Variants in CCNT1 observed in about 807,000 individuals in gnomAD.
The protein encoded by CCNT1 is cyclin T1.
A neutral mutation model predicts 67.3 loss-of-function variants in CCNT1; 18 were observed. That is an observed-to-expected ratio of 0.27 (90% CI 0.18 to 0.40). CCNT1 has a LOEUF of 0.40. Among genes scored for constraint, CCNT1 ranks in the 10% least tolerant of loss-of-function variants. The pLI is 1.00. For missense variants in CCNT1, 744 were observed against 884.9 expected (o/e 0.84, Z 2.02); for synonymous variants, 333 against 310.3 (o/e 1.07, Z -0.77).
At chr12:48,705,281 T>TTTGTCG (rs1940337220) in intron 3 of CCNT1, among the ~76,000 whole-genome samples, 2 of 150,836 alleles carry the variant, frequency 1.3e-5, no homozygotes, top group South Asian at 4.2e-4. Flanking sequence ...CCAGTTGTTT[T>TTTGTCG]TTGTTGTTGT....
intron 2 of CCNT1, among the ~76,000 whole-genome samples, chr12:48,707,792 C>T (rs995612945): frequency 6.6e-6 from 1 of 152,192 alleles, no homozygotes; most frequent in Non-Finnish European, 1.5e-5. Flanking sequence ...GGTGTTGTGG[C>T]TCACGCCTGT....
At chr12:48,716,478 C>A (rs1414292511) in intron 1 of CCNT1, 37 bp downstream of exon 1, 1 of 1,560,226 alleles carries the variant, frequency 6.4e-7, no homozygotes, top group South Asian at 1.2e-5. Context: ...CATGGCGGGA[C>A]CAACTCCAAG....
chr12:48,693,661 TG>T lies in CCNT1; in HGVS notation c.1552del (p.His518IlefsTer37). 1 of 1,614,166 alleles carries T rather than the reference TG, an allele frequency of 6.2e-7. No individual in the cohort carries two copies. On this transcript the variant is annotated frameshift_variant, in exon 9 of 9. Coordinates refer to ENST00000261900, the MANE Select transcript of CCNT1 (RefSeq NM_001240.4). LOFTEE classifies it high-confidence loss of function. Reference sequence around the variant, plus strand: ...GTGTGAGTGGTGATTATGATGATGATGATGATTAGATGGGTGAGTCTTGTGC... The same window carrying T: ...GTGTGAGTGGTGATTATGATGATGATATGATTAGATGGGTGAGTCTTGTGC... ...EKHKTHPSNH[H>X]HHHNHHSHKH...
rs757065271 is a variant in CCNT1 at position 48,696,172 on chromosome 12, G to A, written c.543-10C>T. 1 of 1,485,434 alleles carries A rather than the reference G, an allele frequency of 6.7e-7. No homozygotes were observed. The highest frequency in any genetic ancestry group is 9.0e-7 in the Non-Finnish European group (1 of 1,105,872). 92.0% of individuals were successfully genotyped at this position (1,485,434 alleles called of 1,614,324 possible). On this transcript the variant is annotated splice_polypyrimidine_tract_variant and intron_variant, in intron 6 of 8. Transcript: ENST00000261900. ...TGTGGTCAAATGCAGGCTGACATCAGAGGGAAGAAAACAGAGAGTGTCATG... is the reference window on the plus strand; with the variant it reads ...TGTGGTCAAATGCAGGCTGACATCAAAGGGAAGAAAACAGAGAGTGTCATG...
chr12:48,708,445 G>C (rs1273715048), intron 2 of CCNT1, among the ~76,000 whole-genome samples: 13 of 152,012 alleles, frequency 8.6e-5, no homozygotes, highest in Admixed American at 8.5e-4. Flanking sequence ...TACTTGGGAG[G>C]CTGAGGCAGG....
chr12:48,695,886 A>G, intron 7 of CCNT1, 57 bp from the exon 8 acceptor site: 5 of 1,529,338 alleles, frequency 3.3e-6, no homozygotes, highest in Non-Finnish European at 4.5e-6. Context: ...TAATGAAACA[A>G]GAATAACCTG....
chr12:48,706,869 T>A (rs942838826), intron 2 of CCNT1, among the ~76,000 whole-genome samples: 1 of 152,206 alleles, frequency 6.6e-6, no homozygotes, highest in Non-Finnish European at 1.5e-5. Context: ...CTCATAGTAT[T>A]GATTTCAGAC....
At chr12:48,702,163 C>T (rs1940281597) in intron 3 of CCNT1, among the ~76,000 whole-genome samples, 1 of 152,182 alleles carries the variant, frequency 6.6e-6, no homozygotes, top group South Asian at 2.1e-4. Flanking sequence ...TCCCAAATTG[C>T]TAGGATTACA....
chr12:48,716,458 GACGCCAGAGCATGGCGGGAC>G, intron 1 of CCNT1, 37 bp downstream of exon 1: 1 of 1,498,048 alleles, frequency 6.7e-7, no homozygotes, highest in East Asian at 2.3e-5. Flanking sequence ...CTGAGACCCG[GACGCCAGAGCATGGCGGGAC>G]CAACTCCAAG....
chr12:48,695,769 C>G lies in CCNT1; in HGVS notation c.767G>C (p.Trp256Ser). 4 of 1,610,690 alleles carry G rather than the reference C, an allele frequency of 2.5e-6. No homozygotes were observed. Among genetic ancestry groups the G allele is most frequent in the Non-Finnish European group, 3.4e-6 (4 of 1,176,970 alleles). The stretch of plus-strand genomic sequence containing the variant: ...AGTAATGATTCTTACCCTCCAATTC[C>G]AAATGCGTTTGAGCCTGTTGGGAGT... ...EKTPNRLKRI[W>S]NWRACEAAKK... Residue 256 changes from tryptophan (W) to serine (S), a missense_variant, in exon 8 of 9, where the codon TGG becomes TCG. Physicochemically the swap from Trp to Ser is radical, Grantham distance 177. Transcript: ENST00000261900.
intron 6 of CCNT1, among the ~76,000 whole-genome samples, chr12:48,697,522 T>TAAAAAAAAAAAA (rs1205232506): frequency 1.4e-4 from 16 of 116,760 alleles, no homozygotes; most frequent in African/African-American, 5.4e-4. Context: ...GACTCTGTCT[T>TAAAAAAAAAAAA]AAAAAAAAAA....
rs1316152397 is a variant in CCNT1, at chr12:48,693,355, G to C, written c.1859C>G (p.Thr620Arg). The C allele has an allele frequency of 6.2e-7, 1 of 1,614,218 alleles. No homozygotes were observed. Among genetic ancestry groups the C allele is most frequent in the Non-Finnish European group, 8.5e-7 (1 of 1,180,034 alleles). ...GGGCTGTGAAAAGGAAAGGCCACTT[G>C]TGTCTGAGCTATGCCCAGGCATCTG... is the stretch of plus-strand genomic sequence containing the variant. ...MGQMPGHSSD[T>R]SGLSFSQPSC... The change falls in exon 9 of 9, where the codon ACA becomes AGA. Residue 620 changes from threonine (T) to arginine (R), a missense_variant. Physicochemically the swap from Thr to Arg is moderately conservative, Grantham distance 71 (BLOSUM62 -1). Around this residue, in one of 3 missense-constraint regions of CCNT1, gnomAD observed 564 missense variants for 574.2 expected, o/e 0.98. Transcript: ENST00000261900.
chr12:48,706,955 A>C (rs1940370201), intron 2 of CCNT1, among the ~76,000 whole-genome samples: 2 of 152,166 alleles, frequency 1.3e-5, no homozygotes, highest in South Asian at 4.1e-4. Flanking sequence ...CTATAATCTC[A>C]GCACTTTGGG....
chr12:48,693,152 T>C lies in CCNT1; in HGVS notation c.2062A>G (p.Ser688Gly), dbSNP rs571399920. The C allele has an allele frequency of 7.0e-5, 113 of 1,614,168 alleles. 1 individual carries two copies. The South Asian group carries it at 1.2e-3, about 17-fold the overall frequency. The change falls in exon 9 of 9, where the codon AGT (serine) becomes GGT (glycine). Residue 688 changes from serine (S) to glycine (G), a missense_variant. Coordinates refer to ENST00000261900, the MANE Select transcript of CCNT1 (RefSeq NM_001240.4). The stretch of plus-strand genomic sequence containing the variant: ...CCAGACCGAGGATTCAGATAGTCAC[T>C]ATAAGGACGAACAAATTCAAATGCA... ...PTAFEFVRPY[S>G]DYLNPRSGGI...
chr12:48,699,692 G>C lies in CCNT1; in HGVS notation c.496+86C>G, dbSNP rs1458275449. The C allele has an allele frequency of 9.4e-5, 81 of 858,858 alleles. 1 individual carries two copies. The highest frequency in any genetic ancestry group is 9.8e-5 in the Admixed American group (4 of 40,738). 53.2% of individuals were successfully genotyped at this position (858,858 alleles called of 1,614,324 possible). A position where few individuals can be genotyped will look rare whatever the true frequency, so the allele number is the denominator to read the frequency against. On this transcript the variant is annotated intron_variant, in intron 5 of 8. Coordinates refer to ENST00000261900, the MANE Select transcript of CCNT1 (RefSeq NM_001240.4). ...TAGGCCTTTAAATTTAGCCAAAGCAGAACTATTATGTATTGTCCACCACAA... is the reference window on the plus strand; with the variant it reads ...TAGGCCTTTAAATTTAGCCAAAGCACAACTATTATGTATTGTCCACCACAA...
chr12:48,700,288 C>A (rs1407685283), intron 4 of CCNT1, among the ~76,000 whole-genome samples: 1 of 142,008 alleles, frequency 7.0e-6, no homozygotes, highest in Non-Finnish European at 1.5e-5. Context: ...CACTGCACTC[C>A]AGCCTGGGCG....
chr12:48,716,185 C>A (rs542390277), intron 1 of CCNT1, among the ~76,000 whole-genome samples: 2 of 152,284 alleles, frequency 1.3e-5, no homozygotes, highest in East Asian at 3.9e-4. Context: ...ACCCCTAGGG[C>A]ACAGCGGAAA....
chr12:48,705,560 G>C, intron 3 of CCNT1: 1 of 537,068 alleles, frequency 1.9e-6, no homozygotes. Flanking sequence ...GGTATGGTGA[G>C]CCACCATACC....
At chr12:48,701,925 C>A (rs894797352) in intron 3 of CCNT1, among the ~76,000 whole-genome samples, 20 of 142,888 alleles carry the variant, frequency 1.4e-4, no homozygotes, top group South Asian at 6.7e-4. Flanking sequence ...GAGAGGGAGT[C>A]TCGCTCTGCT....
Sources: allele counts gnomAD v4.1 joint callset (sites outside exome capture counted in the v4.1 genomes callset), GRCh38; gene constraint gnomAD v4.1.1; regional missense constraint gnomAD v4.1.1; transcripts MANE v1.5; gene names NCBI Gene and HGNC (gene_info 2026-07-23, HGNC 2026-07-21).